The following EYS variants were observed in gnomAD, a reference collection of about 807,000 sequenced individuals.
The protein encoded by EYS is protein eyes shut homolog.
A neutral mutation model predicts 282.1 loss-of-function variants in EYS; 250 were observed. That is an observed-to-expected ratio of 0.89 (90% confidence interval 0.80 to 0.98). The LOEUF is 0.98. Among genes scored for constraint, EYS ranks in the 50% least tolerant of loss-of-function variants. The pLI, the probability that EYS is intolerant of heterozygous loss-of-function variation, is 0.00. For synonymous variants in EYS, 1,355 were observed against 1,282.9 expected (o/e 1.06, Z -1.20); for missense variants, 4,016 against 3,709.0 (o/e 1.08, Z -2.15).
intron 35 of EYS, among the ~76,000 whole-genome samples, chr6:63,982,030 T>C (rs1767123917): frequency 6.6e-6 from 1 of 151,894 alleles, no homozygotes; most frequent in Non-Finnish European, 1.5e-5. Context: ...ACATATTAAA[T>C]AACTGAGATT....
At chr6:64,502,242 GTTTTGTTTTGT>G (rs1306980619) in intron 26 of EYS, among the ~76,000 whole-genome samples, 25 of 137,152 alleles carry the variant, frequency 1.8e-4, no homozygotes, top group Non-Finnish European at 3.2e-4. Flanking sequence ...GTTTTGTTTT[GTTTTGTTTTGT>G]TTTTTTTGCC....
intron 35 of EYS, among the ~76,000 whole-genome samples, chr6:63,979,908 C>T (rs1025432027): frequency 1.3e-4 from 20 of 151,858 alleles, no homozygotes; most frequent in African/African-American, 4.8e-4. Context: ...GACATTTGCT[C>T]AGTAAAGCTG....
chr6:64,619,104 G>A (rs958693447), intron 23 of EYS, among the ~76,000 whole-genome samples: 5 of 152,126 alleles, frequency 3.3e-5, no homozygotes, highest in Admixed American at 3.3e-4. Flanking sequence ...TGTCCCTGGA[G>A]GGATATAGAG....
chr6:64,767,799 C>G (rs1773400712), intron 22 of EYS, among the ~76,000 whole-genome samples: 1 of 151,974 alleles, frequency 6.6e-6, no homozygotes, highest in Non-Finnish European at 1.5e-5. Flanking sequence ...GGTAAATGCC[C>G]AATAGTGGGA....
chr6:64,119,728 A>G (rs987233584), intron 31 of EYS, among the ~76,000 whole-genome samples: 5 of 152,238 alleles, frequency 3.3e-5, no homozygotes, highest in East Asian at 1.9e-4. Flanking sequence ...AAGAGAAGAG[A>G]TTGCACAGAG....
intron 31 of EYS, among the ~76,000 whole-genome samples, chr6:64,177,675 C>A (rs1347896907): frequency 6.6e-6 from 1 of 152,032 alleles, no homozygotes; most frequent in African/African-American, 2.4e-5. Flanking sequence ...GCTGTAAGAG[C>A]CCTGTGTGGC....
intron 12 of EYS, among the ~76,000 whole-genome samples, chr6:65,125,565 T>C (rs1275812275): frequency 1.3e-5 from 2 of 152,204 alleles, no homozygotes; most frequent in Non-Finnish European, 2.9e-5. Flanking sequence ...CTATTTTGAA[T>C]TGCATTTATT....
intron 12 of EYS, among the ~76,000 whole-genome samples, chr6:65,194,757 T>C (rs1159068436): frequency 3.3e-5 from 5 of 151,870 alleles, no homozygotes; most frequent in East Asian, 1.9e-4. Flanking sequence ...ACCCAGGGAA[T>C]TGAGGAGAAC....
At chr6:65,425,058 G>A (rs1056135376) in intron 5 of EYS, among the ~76,000 whole-genome samples, 2 of 151,904 alleles carry the variant, frequency 1.3e-5, no homozygotes, top group Admixed American at 6.6e-5. Flanking sequence ...GTACCAAAGC[G>A]CTCCTTTGAC....
intron 12 of EYS, among the ~76,000 whole-genome samples, chr6:65,202,534 AG>A (rs1765927636): frequency 6.6e-6 from 1 of 152,060 alleles, no homozygotes; most frequent in African/African-American, 2.4e-5. Context: ...CCAGAACTCT[AG>A]CACACAGTTT....
chr6:63,967,932 T>G (rs1166721809), intron 35 of EYS, among the ~76,000 whole-genome samples: 1 of 152,174 alleles, frequency 6.6e-6, no homozygotes, highest in Admixed American at 6.6e-5. Flanking sequence ...TGAAGTGATG[T>G]GCCTCAAATC....
intron 31 of EYS, among the ~76,000 whole-genome samples, chr6:64,210,753 CTG>C (rs1765740447): frequency 6.6e-6 from 1 of 152,006 alleles, no homozygotes; most frequent in Non-Finnish European, 1.5e-5. Context: ...CTGGGTGTGT[CTG>C]TGAGGGTGTT....
chr6:64,814,722 T>G (rs1185235720), intron 21 of EYS, among the ~76,000 whole-genome samples: 1 of 152,014 alleles, frequency 6.6e-6, no homozygotes, highest in East Asian at 1.9e-4. Flanking sequence ...ACATCATTAG[T>G]AAAACTGTTT....
At chr6:65,562,717 A>G (rs1769115380) in intron 2 of EYS, among the ~76,000 whole-genome samples, 1 of 152,108 alleles carries the variant, frequency 6.6e-6, no homozygotes, top group South Asian at 2.1e-4. Flanking sequence ...GACTGAAATG[A>G]AATGAAATAA....
chr6:65,235,756 T>A (rs1360394354), intron 12 of EYS, among the ~76,000 whole-genome samples: 1 of 152,150 alleles, frequency 6.6e-6, no homozygotes, highest in Non-Finnish European at 1.5e-5. Context: ...ACCTCTTAAG[T>A]AACAAAGCAA....
chr6:65,627,384 G>C (rs891505017), intron 2 of EYS, among the ~76,000 whole-genome samples: 1 of 152,138 alleles, frequency 6.6e-6, no homozygotes, highest in Non-Finnish European at 1.5e-5. Context: ...CACATCCCTC[G>C]CTCGCTCTCG....
At position 65,410,565 on chromosome 6, in the gene EYS, C is replaced by A. The variant is rs534783736; in HGVS notation, c.863-5198G>T. Among the ~76,000 whole-genome samples the A allele has an allele frequency of 9.3e-5, 14 of 150,004 alleles. 1 individual carries two copies. In the South Asian group the frequency reaches 1.7e-3, roughly 18 times the overall value. Reference sequence around the variant, plus strand: ...CCCTCTTCCTTCCCCTCCCCAGTCTCTAGTAACCACTGTCCTACTTCTATG... The same window carrying A: ...CCCTCTTCCTTCCCCTCCCCAGTCTATAGTAACCACTGTCCTACTTCTATG... On this transcript the variant is annotated intron_variant, in intron 5 of 42. Coordinates refer to ENST00000503581, the MANE Select transcript of EYS (RefSeq NM_001142800.2).
At chr6:64,475,322 C>T (rs1776227655) in intron 26 of EYS, among the ~76,000 whole-genome samples, 1 of 71,398 alleles carries the variant, frequency 1.4e-5, no homozygotes, top group Admixed American at 1.4e-4. Context: ...GAGGCCGAGG[C>T]GGGCGGATCA....
chr6:65,166,298 CA>C (rs1411426339), intron 12 of EYS, among the ~76,000 whole-genome samples: 5 of 151,008 alleles, frequency 3.3e-5, no homozygotes, highest in Non-Finnish European at 4.5e-5. Context: ...AATAGATGAT[CA>C]AATTTGGAAG....
Sources: gnomAD v4.1 joint callset for allele counts (sites outside exome capture counted in the v4.1 genomes callset) on GRCh38, gnomAD v4.1.1 for gene constraint, MANE v1.5 for transcripts, NCBI Gene and HGNC (gene_info 2026-07-23, HGNC 2026-07-21) for gene names.